The following MACROD2 variants were observed in gnomAD, a reference collection of about 807,000 sequenced individuals.
MACROD2 encodes ADP-ribose glycohydrolase MACROD2.
MACROD2 carries 36 observed loss-of-function variants against 70.4 expected under a neutral mutation model. That is an observed-to-expected ratio of 0.51 (90% confidence interval 0.39 to 0.68). The LOEUF is 0.68. Among genes scored for constraint, MACROD2 ranks in the 30% least tolerant of loss-of-function variants. MACROD2 has a pLI of 0.00. For missense variants in MACROD2, 496 were observed against 538.4 expected, an observed-to-expected ratio of 0.92 and a Z score of 0.78; for synonymous variants, 172 against 178.8, an observed-to-expected ratio of 0.96 and a Z score of 0.30.
intron 3 of MACROD2, among the ~76,000 whole-genome samples, chr20:14,195,835 A>C (rs139170447): frequency 1.3e-5 from 2 of 152,250 alleles, no homozygotes; most frequent in East Asian, 3.9e-4. Flanking sequence ...ACTTCCACTC[A>C]ATAAAACCTT....
intron 5 of MACROD2, among the ~76,000 whole-genome samples, chr20:15,125,862 T>G (rs997889058): frequency 6.6e-6 from 1 of 151,848 alleles, no homozygotes; most frequent in African/African-American, 2.4e-5. Context: ...TCTTCCCCCC[T>G]GTCTTCTGGC....
At chr20:14,337,362 C>A in intron 3 of MACROD2, 30 of 282,760 alleles carry the variant, frequency 1.1e-4, no homozygotes, top group Middle Eastern at 2.0e-3. Context: ...ACCAAGCAAA[C>A]TTTCTGGGAC....
intron 4 of MACROD2, among the ~76,000 whole-genome samples, chr20:14,584,851 G>A (rs577843682): frequency 3.2e-4 from 49 of 152,280 alleles, no homozygotes; most frequent in African/African-American, 9.9e-4. Context: ...TGTCAGTTCT[G>A]TACTAGTTAC....
intron 5 of MACROD2, among the ~76,000 whole-genome samples, chr20:15,157,349 A>C (rs1261476836): frequency 0.016 from 1,693 of 107,588 alleles, no homozygotes; most frequent in Admixed American, 0.022. Context: ...CTAATTAACC[A>C]CCCCCCCCCA....
At chr20:14,588,632 C>T (rs1364660010) in intron 4 of MACROD2, among the ~76,000 whole-genome samples, 3 of 152,062 alleles carry the variant, frequency 2.0e-5, no homozygotes, top group Non-Finnish European at 2.9e-5. Flanking sequence ...CTCAGCCTCC[C>T]GAGTAGCTGG....
chr20:15,257,419 C>T (rs1216746944), intron 6 of MACROD2, among the ~76,000 whole-genome samples: 2 of 151,992 alleles, frequency 1.3e-5, no homozygotes, highest in African/African-American at 4.8e-5. Context: ...GTGCTAGGCA[C>T]CCATGCTGGT....
intron 9 of MACROD2, among the ~76,000 whole-genome samples, chr20:15,879,548 T>C (rs373634547): frequency 3.0e-4 from 45 of 152,278 alleles, no homozygotes; most frequent in African/African-American, 1.0e-3. Flanking sequence ...TGCTTTATAA[T>C]TTTCAGTAAA....
rs535728144 is a variant in MACROD2, at chr20:14,360,397, A to G, written c.272-133082A>G. Among the ~76,000 whole-genome samples the G allele has an allele frequency of 9.2e-5, 14 of 152,330 alleles. No individual in the cohort carries two copies. In the South Asian group the frequency reaches 2.9e-3, roughly 32 times the overall value. ...TAAATATATACAATTTGTATTTAAA[A>G]AACAAGTAATGTTTTTTTAAAGGCA... is the stretch of plus-strand genomic sequence containing the variant. On this transcript the variant is annotated intron_variant, in intron 3 of 17. Coordinates refer to ENST00000684519, the MANE Select transcript of MACROD2 (RefSeq NM_001351661.2).
At position 16,044,579 on chromosome 20, in the gene MACROD2, A is replaced by T. The variant is rs771755436; in HGVS notation, c.1240A>T (p.Asn414Tyr). Residue 414 changes from asparagine to tyrosine, a missense_variant, in exon 17 of 18, where the codon AAT becomes TAT. Coordinates refer to ENST00000684519, the MANE Select transcript of MACROD2 (RefSeq NM_001351661.2). ...TTTTTTTCTGGTGACAGTTGAAATG[A>T]ATAGTCAGGTTGACAAGGTAAATGA... ...ENTPGPDVEMNSQVDKVNDPT... is the reference protein window; with the variant it reads ...ENTPGPDVEMYSQVDKVNDPT... The T allele has an allele frequency of 6.2e-6, 10 of 1,612,542 alleles. No homozygotes were observed. Among genetic ancestry groups the T allele is most frequent in the Non-Finnish European group, 7.6e-6 (9 of 1,179,208 alleles).
At chr20:15,831,478 A>G (rs2064055180) in intron 8 of MACROD2, among the ~76,000 whole-genome samples, 1 of 152,174 alleles carries the variant, frequency 6.6e-6, no homozygotes, top group African/African-American at 2.4e-5. Flanking sequence ...CCATCCATAA[A>G]AAAAGATGTA....
At chr20:14,938,047 TG>T (rs1187498397) in intron 5 of MACROD2, among the ~76,000 whole-genome samples, 1 of 150,888 alleles carries the variant, frequency 6.6e-6, no homozygotes, top group Non-Finnish European at 1.5e-5. Flanking sequence ...GGATGACTCA[TG>T]TTCAATTGCA....
At chr20:15,391,354 T>C (rs2045789605) in intron 6 of MACROD2, among the ~76,000 whole-genome samples, 1 of 152,138 alleles carries the variant, frequency 6.6e-6, no homozygotes, top group South Asian at 2.1e-4. Flanking sequence ...AGATACAAAG[T>C]TGTATTCTGG....
At chr20:15,923,401 G>T (rs10470063) in intron 10 of MACROD2, among the ~76,000 whole-genome samples, 5 of 152,002 alleles carry the variant, frequency 3.3e-5, no homozygotes, top group African/African-American at 1.2e-4. Flanking sequence ...AGAAAGACCG[G>T]CCCCCATGAT....
chr20:14,545,884 T>C (rs2085486417), intron 4 of MACROD2, among the ~76,000 whole-genome samples: 1 of 152,204 alleles, frequency 6.6e-6, no homozygotes, highest in African/African-American at 2.4e-5. Flanking sequence ...TATAGAGATA[T>C]CTGTATACAT....
Position 14,383,653 on chromosome 20 carries a change from C to T in MACROD2, c.272-109826C>T, listed in dbSNP as rs376584823. Among the ~76,000 whole-genome samples the T allele has an allele frequency of 4.6e-5, 7 of 152,130 alleles. No individual in the cohort carries two copies. The East Asian group carries it at 1.2e-3, about 25-fold the overall frequency. On this transcript the variant is annotated intron_variant, in intron 3 of 17. Coordinates refer to ENST00000684519, the MANE Select transcript of MACROD2 (RefSeq NM_001351661.2). ...TTTATCATAACAGTGCATTTAAATA[C>T]AATGTTCATGAAATATTACAACTTG...
chr20:14,638,733 G>T (rs1272900253), intron 4 of MACROD2, among the ~76,000 whole-genome samples: 1 of 152,066 alleles, frequency 6.6e-6, no homozygotes, highest in Non-Finnish European at 1.5e-5. Context: ...GGAGGATCAC[G>T]AGATCAGGAG....
At chr20:15,346,242 A>C (rs1159678094) in intron 6 of MACROD2, among the ~76,000 whole-genome samples, 1 of 152,078 alleles carries the variant, frequency 6.6e-6, no homozygotes, top group Non-Finnish European at 1.5e-5. Flanking sequence ...ATGAACCAAA[A>C]GGTAGATATC....
intron 5 of MACROD2, among the ~76,000 whole-genome samples, chr20:15,076,484 T>C (rs1344961476): frequency 3.3e-5 from 5 of 152,150 alleles, no homozygotes; most frequent in South Asian, 2.1e-4. Context: ...TTTATACTTA[T>C]AATTGAGTGA....
At chr20:15,099,399 C>A (rs971933173) in intron 5 of MACROD2, among the ~76,000 whole-genome samples, 1 of 152,090 alleles carries the variant, frequency 6.6e-6, no homozygotes, top group Non-Finnish European at 1.5e-5. Flanking sequence ...ATCTCTCTCT[C>A]CACACACCTG....
Sources: gnomAD v4.1 joint callset for allele counts (sites outside exome capture counted in the v4.1 genomes callset) on GRCh38, gnomAD v4.1.1 for gene constraint, MANE v1.5 for transcripts, NCBI Gene and HGNC (gene_info 2026-07-23, HGNC 2026-07-21) for gene names.